Variants in ITSN1 observed in about 807,000 individuals in gnomAD.
The protein encoded by ITSN1 is intersectin-1.
ITSN1 carries 58 observed loss-of-function variants against 239.8 expected under a neutral mutation model. That is an observed-to-expected ratio of 0.24 (90% CI 0.20 to 0.30). The LOEUF (loss-of-function observed/expected upper bound fraction) is 0.30, where lower values mean the gene tolerates loss of function less well. ITSN1 is among the 10% of genes least tolerant of loss of function. The pLI, the probability that ITSN1 is intolerant of heterozygous loss-of-function variation, is 1.00. For missense variants in ITSN1, 1,558 were observed against 2,103.3 expected (o/e 0.74, Z 5.07); for synonymous variants, 780 against 770.8 (o/e 1.01, Z -0.20).
intron 28 of ITSN1, among the ~76,000 whole-genome samples, chr21:33,836,072 C>A (rs557292291): frequency 6.6e-6 from 1 of 152,330 alleles, no homozygotes; most frequent in South Asian, 2.1e-4. Context: ...ACATAGCTGT[C>A]CTGTGCAGCA....
chr21:33,671,489 T>C (rs1024388428), intron 1 of ITSN1, among the ~76,000 whole-genome samples: 3 of 152,062 alleles, frequency 2.0e-5, no homozygotes, highest in Admixed American at 6.6e-5. Flanking sequence ...TTCACCGCGT[T>C]GGTCAGGCTG....
chr21:33,800,128 C>T (rs1203613028), intron 19 of ITSN1, among the ~76,000 whole-genome samples, 199 bp downstream of exon 19: 1 of 152,014 alleles, frequency 6.6e-6, no homozygotes, highest in African/African-American at 2.4e-5. Context: ...TGTATCCTAA[C>T]ATCATTTTAA....
At chr21:33,831,584 A>G (rs1380829266) in intron 27 of ITSN1, among the ~76,000 whole-genome samples, 1 of 152,056 alleles carries the variant, frequency 6.6e-6, no homozygotes, top group African/African-American at 2.4e-5. Flanking sequence ...GCTCCTGAGG[A>G]ATGGAGGTTG....
At chr21:33,650,191 C>T (rs984594196) in intron 1 of ITSN1, among the ~76,000 whole-genome samples, 4 of 151,864 alleles carry the variant, frequency 2.6e-5, no homozygotes, top group African/African-American at 9.7e-5. Context: ...TGATGTGTTC[C>T]TCCTTGCATT....
intron 1 of ITSN1, among the ~76,000 whole-genome samples, chr21:33,659,807 C>T (rs2089410484): frequency 6.8e-6 from 1 of 146,310 alleles, no homozygotes; most frequent in African/African-American, 2.5e-5. Context: ...GCAGCCTCAA[C>T]CTCCCAGGCT....
chr21:33,705,758 C>G (rs188329626), intron 1 of ITSN1, among the ~76,000 whole-genome samples: 121 of 152,216 alleles, frequency 7.9e-4, no homozygotes, highest in Non-Finnish European at 1.4e-3. Context: ...AAATATACTC[C>G]AGAAGTTTAA....
intron 18 of ITSN1, among the ~76,000 whole-genome samples, chr21:33,798,427 G>C (rs781148453): frequency 1.3e-5 from 2 of 151,902 alleles, no homozygotes; most frequent in Non-Finnish European, 2.9e-5. Context: ...TTAAAAAAGG[G>C]ATAAATGAAA....
At chr21:33,706,585 C>G (rs1021237216) in intron 1 of ITSN1, among the ~76,000 whole-genome samples, 1 of 151,522 alleles carries the variant, frequency 6.6e-6, no homozygotes, top group African/African-American at 2.4e-5. Flanking sequence ...TACCTCACTT[C>G]TATTAGAAAA....
intron 1 of ITSN1, among the ~76,000 whole-genome samples, chr21:33,675,587 T>A (rs564928682): frequency 6.6e-6 from 1 of 152,066 alleles, no homozygotes; most frequent in East Asian, 1.9e-4. Flanking sequence ...AAATAAAGAA[T>A]AAATCTTGAT....
intron 1 of ITSN1, among the ~76,000 whole-genome samples, chr21:33,671,096 A>G (rs761397312): frequency 2.0e-5 from 3 of 152,216 alleles, no homozygotes; most frequent in Non-Finnish European, 4.4e-5. Flanking sequence ...AGAAACATTC[A>G]AAAGTCGTAT....
intron 36 of ITSN1, among the ~76,000 whole-genome samples, 193 bp downstream of exon 36, chr21:33,883,864 AT>A (rs1376588809): frequency 1.3e-5 from 2 of 150,306 alleles, no homozygotes; most frequent in Non-Finnish European, 3.0e-5. Context: ...CCTTTCCAAA[AT>A]AACATGGATT....
chr21:33,794,452 A>G lies in ITSN1; in HGVS notation c.1936A>G (p.Lys646Glu). The change falls in exon 17 of 40, where the codon AAA becomes GAA. Residue 646 changes from lysine (K) to glutamate (E), a missense_variant. Coordinates refer to ENST00000381318, the MANE Select transcript of ITSN1 (RefSeq NM_003024.3). Reference protein sequence around the residue: ...ERKIIELEKQKEEAQRRAQER... With the variant: ...ERKIIELEKQEEEAQRRAQER... The stretch of plus-strand genomic sequence containing the variant: ...AAAGATCATAGAATTAGAAAAACAA[A>G]AAGAAGAAGCCCAAAGGTGAGTCTT... 1 of 1,612,732 alleles carries G rather than the reference A, an allele frequency of 6.2e-7. No individual in the cohort carries two copies. Among genetic ancestry groups the G allele is most frequent in the Non-Finnish European group, 8.5e-7 (1 of 1,179,602 alleles).
intron 4 of ITSN1, among the ~76,000 whole-genome samples, chr21:33,733,409 G>T (rs2066308620): frequency 6.6e-6 from 1 of 152,062 alleles, no homozygotes; most frequent in Admixed American, 6.5e-5. Flanking sequence ...TTTAAGGATT[G>T]AAATGAAATA....
At chr21:33,740,941 A>C (rs1006626543) in intron 5 of ITSN1, among the ~76,000 whole-genome samples, 2 of 152,196 alleles carry the variant, frequency 1.3e-5, no homozygotes, top group African/African-American at 4.8e-5. Context: ...ATAGCTAATA[A>C]ATTTTTCCTT....
chr21:33,780,944 A>G (rs1366123668), intron 14 of ITSN1, among the ~76,000 whole-genome samples: 2 of 152,232 alleles, frequency 1.3e-5, no homozygotes, highest in Non-Finnish European at 2.9e-5. Flanking sequence ...GTGTGGTGGA[A>G]AAATATATAC....
intron 16 of ITSN1, among the ~76,000 whole-genome samples, chr21:33,787,964 G>A (rs1330407333): frequency 6.6e-6 from 1 of 152,036 alleles, no homozygotes; most frequent in Non-Finnish European, 1.5e-5. Context: ...TAGGCTGCTT[G>A]GTTGAGTTTT....
At chr21:33,834,248 G>T in intron 27 of ITSN1, 59 bp from the exon 28 acceptor site, 1 of 1,193,342 alleles carries the variant, frequency 8.4e-7, no homozygotes, top group South Asian at 1.2e-5. Context: ...GTTATAAAGT[G>T]AGCTGTATTA....
chr21:33,650,097 T>C (rs1280663167), intron 1 of ITSN1, among the ~76,000 whole-genome samples: 2 of 152,044 alleles, frequency 1.3e-5, no homozygotes, highest in African/African-American at 4.8e-5. Flanking sequence ...GGTCAGAATT[T>C]TACCCTTGGT....
chr21:33,800,276 AATAT>A (rs1173063589), intron 19 of ITSN1, among the ~76,000 whole-genome samples: 2 of 151,800 alleles, frequency 1.3e-5, no homozygotes, highest in Non-Finnish European at 2.9e-5. Context: ...ATGTATAGAC[AATAT>A]ATATACTAGT....
Sources: allele counts gnomAD v4.1 joint callset (sites outside exome capture counted in the v4.1 genomes callset), GRCh38; gene constraint gnomAD v4.1.1; transcripts MANE v1.5; gene names NCBI Gene and HGNC (gene_info 2026-07-23, HGNC 2026-07-21).